The following PCNX2 variants were observed in gnomAD, a reference collection of about 807,000 sequenced individuals.
The protein encoded by PCNX2 is pecanex-like protein 2.
A neutral mutation model predicts 223.8 loss-of-function variants in PCNX2; 168 were observed. The ratio of observed to expected loss-of-function variants is 0.75; its 90% confidence interval spans 0.66 to 0.85. The LOEUF is 0.85. Ranked by LOEUF, PCNX2 falls within the 40% of genes least tolerant of loss-of-function variation. The pLI is 0.00. For missense variants in PCNX2, 2,507 were observed against 2,675.5 expected (o/e 0.94, Z 1.39); for synonymous variants, 1,006 against 1,052.6 (o/e 0.96, Z 0.86).
At chr1:233,166,476 A>AAC (rs1553304739) in intron 17 of PCNX2, among the ~76,000 whole-genome samples, 10 of 151,948 alleles carry the variant, frequency 6.6e-5, no homozygotes, top group African/African-American at 1.9e-4. Flanking sequence ...GGGAAAAAAA[A>AAC]ATTACTACTC....
rs182215695 is a variant in PCNX2 at position 233,056,134 on chromosome 1, A to C, written c.4135+1098T>G. 4.1e-3 allele frequency among the ~76,000 whole-genome samples: 618 copies of C among 152,292 alleles called. 1 individual carries two copies. Among genetic ancestry groups the C allele is most frequent in the Admixed American group, 8.2e-3 (125 of 15,292 alleles). On this transcript the variant is annotated intron_variant, in intron 24 of 33. Coordinates refer to ENST00000258229, the MANE Select transcript of PCNX2 (RefSeq NM_014801.4). Reference sequence around the variant, plus strand: ...TATGCTTAATCTTCTATGCAGATGAAGCCTCCTTGACCTGCACTGTATTCA... The same window carrying C: ...TATGCTTAATCTTCTATGCAGATGACGCCTCCTTGACCTGCACTGTATTCA...
At chr1:233,277,523 T>C (rs1181064988) in intron 1 of PCNX2, among the ~76,000 whole-genome samples, 1 of 149,312 alleles carries the variant, frequency 6.7e-6, no homozygotes, top group Non-Finnish European at 1.5e-5. Context: ...AGTAAACACC[T>C]AAATGGGGAG....
At chr1:233,320,287 TAAG>T in the PCNX2 span, among the ~76,000 whole-genome samples, 6 of 152,132 alleles carry the variant, frequency 3.9e-5, no homozygotes, top group African/African-American at 1.4e-4. Flanking sequence ...ATATCACAAC[TAAG>T]AAGTCAACAT....
rs1395672777 is a variant in PCNX2 at position 233,258,510 on chromosome 1, C to A, written c.1352G>T (p.Ser451Ile). The A allele has an allele frequency of 1.2e-6, 2 of 1,613,896 alleles. No individual in the cohort carries two copies. Among genetic ancestry groups the A allele is most frequent in the Non-Finnish European group, 8.5e-7 (1 of 1,179,902 alleles). Residue 451 changes from serine (S) to isoleucine (I), a missense_variant, in exon 5 of 34, where the codon AGT becomes ATT. By Grantham distance (142) the Ser-to-Ile change is moderately radical (BLOSUM62 -2). This residue lies in a region of PCNX2 where 1,031 missense variants were observed against 1,021.7 expected (regional missense o/e 1.01). Coordinates refer to ENST00000258229, the MANE Select transcript of PCNX2 (RefSeq NM_014801.4). ...CTTCAGTCTCTCTGGAGTCCTTTCA[C>A]TTCCATTGCCTTCGGGACAGGGAAC... The part of the protein sequence containing the change: ...GGVPCPEGNG[S>I]ERTPERLKTR...
chr1:233,055,026 C>A (rs1672142190), intron 24 of PCNX2, among the ~76,000 whole-genome samples: 1 of 152,128 alleles, frequency 6.6e-6, no homozygotes, highest in Non-Finnish European at 1.5e-5. Flanking sequence ...TGAGTAGTAT[C>A]CCTCTGTATG....
intron 21 of PCNX2, among the ~76,000 whole-genome samples, chr1:233,102,130 A>G (rs968327989): frequency 3.3e-5 from 5 of 150,588 alleles, no homozygotes; most frequent in African/African-American, 1.2e-4. Flanking sequence ...ACAACATACA[A>G]CATTTGTCTT....
chr1:233,081,131 G>A (rs1411788927), intron 23 of PCNX2, among the ~76,000 whole-genome samples: 1 of 152,050 alleles, frequency 6.6e-6, no homozygotes, highest in Non-Finnish European at 1.5e-5. Context: ...GGTGGATCAC[G>A]AGGTCAGGAG....
intron 1 of PCNX2, among the ~76,000 whole-genome samples, chr1:233,292,898 G>A (rs1054410597): frequency 4.6e-5 from 7 of 152,042 alleles, no homozygotes; most frequent in African/African-American, 1.7e-4. Context: ...AGGCATGCTG[G>A]CATAGAGATA....
In PCNX2 at chr1:233,123,873, T is replaced by C. The variant is rs1229691267; in HGVS notation, c.3837+11140A>G. Among the ~76,000 whole-genome samples, 4 of 152,214 alleles carry C rather than the reference T, an allele frequency of 2.6e-5. No individual in the cohort carries two copies. The East Asian group carries it at 7.7e-4, about 29-fold the overall frequency. ...GGGCATAGTTCACTGAAAAAGACCA[T>C]ATAGTCATTCTGTAGATTCCCACTC... On this transcript the variant is annotated intron_variant, in intron 21 of 33. Transcript: ENST00000258229.
chr1:233,235,390 G>A (rs1017031902), intron 9 of PCNX2, among the ~76,000 whole-genome samples: 22 of 152,062 alleles, frequency 1.4e-4, no homozygotes, highest in Admixed American at 2.6e-4. Flanking sequence ...GGCTCAAACC[G>A]TCTCCCCACT....
chr1:233,191,671 C>G (rs1680426610), intron 15 of PCNX2, among the ~76,000 whole-genome samples: 1 of 152,192 alleles, frequency 6.6e-6, no homozygotes, highest in Non-Finnish European at 1.5e-5. Context: ...ACTCCTCTCT[C>G]CATTTGAAAG....
chr1:233,193,031 T>C (rs1383412500), intron 15 of PCNX2, among the ~76,000 whole-genome samples: 1 of 146,448 alleles, frequency 6.8e-6, no homozygotes, highest in African/African-American at 2.5e-5. Context: ...TTTAATATAT[T>C]TCAATAATAT....
rs542160731 is a variant in PCNX2, at chr1:233,025,826, G to T, written c.4352-427C>A. On this transcript the variant is annotated intron_variant, in intron 25 of 33. Coordinates refer to ENST00000258229, the MANE Select transcript of PCNX2 (RefSeq NM_014801.4). ...GCTATTGTAAGGATGAAATAAAATG[G>T]CATATGCAAAGTGATTAGTCACCAC... is the stretch of plus-strand genomic sequence containing the variant. Among the ~76,000 whole-genome samples the T allele has an allele frequency of 1.1e-4, 16 of 152,282 alleles. No individual in the cohort carries two copies. The South Asian group carries it at 3.3e-3, about 32-fold the overall frequency.
intron 17 of PCNX2, among the ~76,000 whole-genome samples, chr1:233,174,496 T>C (rs1177141459): frequency 6.6e-6 from 1 of 151,852 alleles, no homozygotes; most frequent in East Asian, 1.9e-4. Flanking sequence ...GCATTTTATA[T>C]AGTACTTCAC....
At chr1:233,067,989 A>G (rs893046655) in intron 23 of PCNX2, among the ~76,000 whole-genome samples, 2 of 152,180 alleles carry the variant, frequency 1.3e-5, no homozygotes, top group African/African-American at 4.8e-5. Context: ...AGTTGGAAGT[A>G]AAGTTGAAGA....
At chr1:233,264,294 C>T (rs1325379395) in intron 1 of PCNX2, among the ~76,000 whole-genome samples, 1 of 152,126 alleles carries the variant, frequency 6.6e-6, no homozygotes, top group African/African-American at 2.4e-5. Flanking sequence ...TCCAGGACAG[C>T]CTCAATGATT....
intron 19 of PCNX2, among the ~76,000 whole-genome samples, chr1:233,153,731 G>A (rs1017108573): frequency 9.2e-5 from 14 of 152,164 alleles, no homozygotes; most frequent in African/African-American, 2.9e-4. Context: ...ATACCTTAAA[G>A]AGCAGAAAGT....
chr1:233,291,079 T>C (rs969284528), intron 1 of PCNX2: 3 of 985,252 alleles, frequency 3.0e-6, no homozygotes, highest in Admixed American at 6.2e-5. Context: ...AAAGTGCTCT[T>C]ATATGTAGTA....
chr1:233,191,941 T>C (rs1001544846), intron 15 of PCNX2, among the ~76,000 whole-genome samples: 3 of 152,218 alleles, frequency 2.0e-5, no homozygotes, highest in African/African-American at 7.2e-5. Context: ...CATTTCTTCA[T>C]ATCTACTGCC....
Sources: allele counts gnomAD v4.1 joint callset (sites outside exome capture counted in the v4.1 genomes callset), GRCh38; gene constraint gnomAD v4.1.1; regional missense constraint gnomAD v4.1.1; transcripts MANE v1.5; gene names NCBI Gene and HGNC (gene_info 2026-07-23, HGNC 2026-07-21).